Variants in ANTXR2 observed in about 807,000 individuals in gnomAD.
The protein encoded by ANTXR2 is anthrax toxin receptor 2.
In ANTXR2, 44 loss-of-function variants were observed where a neutral mutation model predicts 73.7. That is an observed-to-expected ratio of 0.60 (90% CI 0.47 to 0.77). The LOEUF is 0.77. Ranked by LOEUF, ANTXR2 falls within the 30% of genes least tolerant of loss-of-function variation. The probability of loss-of-function intolerance (pLI) is 0.00; values close to 1 mark genes in which losing one functional copy is unlikely to be tolerated. For synonymous variants in ANTXR2, 217 were observed against 205.9 expected (o/e 1.05, Z -0.46); for missense variants, 604 against 592.5 (o/e 1.02, Z -0.20).
At chr4:79,977,928 G>T in intron 15 of ANTXR2, 79 bp downstream of exon 15, 1 of 1,452,646 alleles carries the variant, frequency 6.9e-7, no homozygotes, top group Non-Finnish European at 9.3e-7. Flanking sequence ...CTTTCAAGTA[G>T]CTGGGGGGAT....
At chr4:79,982,379 T>C (rs535121727) in intron 14 of ANTXR2, among the ~76,000 whole-genome samples, 2 of 152,280 alleles carry the variant, frequency 1.3e-5, no homozygotes, top group South Asian at 2.1e-4. Context: ...TTCCCCGTTA[T>C]ATAGATCTTT....
At chr4:80,047,097 C>G (rs1401026720) in intron 7 of ANTXR2, among the ~76,000 whole-genome samples, 1 of 151,486 alleles carries the variant, frequency 6.6e-6, no homozygotes, top group Non-Finnish European at 1.5e-5. Flanking sequence ...TCTGTGTAAC[C>G]AAATGTCATC....
rs143173863 is a variant in ANTXR2 at position 79,993,436 on chromosome 4, C to T, written c.1042-8573G>A. 4.6e-3 allele frequency among the ~76,000 whole-genome samples: 695 copies of T among 151,860 alleles called. 10 individuals are homozygous for T. Among genetic ancestry groups the T allele is most frequent in the African/African-American group, 0.016 (660 of 41,432 alleles). On this transcript the variant is annotated intron_variant, in intron 12 of 16. Transcript: ENST00000403729. ...GAAGAAGGGATTCTTTTCATTCCCT[C>T]CCCCTGTCACTCCTAAAAGCATATT...
At chr4:79,944,770 G>A (rs1260922732) in intron 16 of ANTXR2, among the ~76,000 whole-genome samples, 3 of 152,078 alleles carry the variant, frequency 2.0e-5, no homozygotes. Context: ...GTCCACCACT[G>A]CTGGCAGACT....
intron 2 of ANTXR2, 71 bp downstream of exon 2, chr4:80,071,512 T>C: frequency 7.4e-7 from 1 of 1,347,874 alleles, no homozygotes; most frequent in Non-Finnish European, 1.1e-6. Flanking sequence ...CTATAAAAGG[T>C]TTCAGAAAAG....
intron 16 of ANTXR2, among the ~76,000 whole-genome samples, chr4:79,936,445 T>C (rs922602491): frequency 7.9e-5 from 12 of 152,216 alleles, no homozygotes; most frequent in Admixed American, 6.5e-5. Context: ...CTATGCAAGT[T>C]TTCTCCTTCA....
At chr4:80,002,855 A>G (rs1437814797) in intron 12 of ANTXR2, among the ~76,000 whole-genome samples, 2 of 150,630 alleles carry the variant, frequency 1.3e-5, no homozygotes, top group Non-Finnish European at 3.0e-5. Flanking sequence ...TCAAAACCAC[A>G]ATGAGATACC....
At chr4:80,037,327 C>T (rs1180154952) in intron 7 of ANTXR2, among the ~76,000 whole-genome samples, 2 of 152,142 alleles carry the variant, frequency 1.3e-5, no homozygotes, top group African/African-American at 4.8e-5. Context: ...AACAGCAAAA[C>T]TATAAGTTCT....
At chr4:79,907,559 A>G in intron 16 of ANTXR2, 92 bp from the exon 17 acceptor site, 1 of 1,361,958 alleles carries the variant, frequency 7.3e-7, no homozygotes, top group Non-Finnish European at 1.0e-6. Context: ...ATAATAAATG[A>G]TTACCCAAGG....
At chr4:79,916,586 CAG>C (rs1248874121) in intron 16 of ANTXR2, among the ~76,000 whole-genome samples, 3 of 151,782 alleles carry the variant, frequency 2.0e-5, no homozygotes, top group Non-Finnish European at 4.4e-5. Context: ...AATAAAAAAA[CAG>C]AAAGCAATTT....
At chr4:79,993,472 T>C (rs1478511832) in intron 12 of ANTXR2, among the ~76,000 whole-genome samples, 1 of 151,846 alleles carries the variant, frequency 6.6e-6, no homozygotes, top group Non-Finnish European at 1.5e-5. Context: ...CTCAAGATTC[T>C]TTGGGCCTTA....
chr4:80,056,653 A>G (rs1734009522), intron 3 of ANTXR2, among the ~76,000 whole-genome samples: 1 of 152,006 alleles, frequency 6.6e-6, no homozygotes, highest in African/African-American at 2.4e-5. Context: ...AGATAGATGG[A>G]TGAATGTATG....
intron 12 of ANTXR2, among the ~76,000 whole-genome samples, chr4:80,005,373 TA>T (rs1731254291): frequency 6.6e-6 from 1 of 152,162 alleles, no homozygotes; most frequent in South Asian, 2.1e-4. Context: ...GATAAATAGA[TA>T]AATTTCATTT....
At chr4:79,951,290 C>T (rs1328086570) in intron 16 of ANTXR2, among the ~76,000 whole-genome samples, 1 of 152,010 alleles carries the variant, frequency 6.6e-6, no homozygotes, top group Non-Finnish European at 1.5e-5. Flanking sequence ...CAGAACTGAA[C>T]AGGACTCTGC....
intron 12 of ANTXR2, among the ~76,000 whole-genome samples, chr4:79,985,778 C>T (rs1730117732): frequency 6.6e-6 from 1 of 151,720 alleles, no homozygotes; most frequent in Non-Finnish European, 1.5e-5. Context: ...AACAAATCAG[C>T]TTCTTAGCCA....
chr4:79,959,020 T>C (rs138687977), intron 16 of ANTXR2, among the ~76,000 whole-genome samples: 60 of 151,554 alleles, frequency 4.0e-4, no homozygotes, highest in Middle Eastern at 3.4e-3. Flanking sequence ...GAATATGAAA[T>C]AAAGATCAAA....
chr4:80,041,094 A>G (rs1009779249), intron 7 of ANTXR2, among the ~76,000 whole-genome samples: 2 of 152,074 alleles, frequency 1.3e-5, no homozygotes, highest in Non-Finnish European at 1.5e-5. Flanking sequence ...GCTAATCCTC[A>G]TAAGTCTAAT....
intron 15 of ANTXR2, 55 bp downstream of exon 15, chr4:79,977,952 A>G: frequency 1.3e-6 from 2 of 1,515,552 alleles, no homozygotes; most frequent in Non-Finnish European, 1.8e-6. Flanking sequence ...GTACAAAAAA[A>G]GTTACAATGT....
chr4:80,044,099 G>T (rs1359600905), intron 7 of ANTXR2, among the ~76,000 whole-genome samples: 1 of 151,888 alleles, frequency 6.6e-6, no homozygotes, highest in African/African-American at 2.4e-5. Context: ...TTCCTATCTT[G>T]CTTGCCTATA....
Sources: allele counts gnomAD v4.1 joint callset (sites outside exome capture counted in the v4.1 genomes callset), GRCh38; gene constraint gnomAD v4.1.1; transcripts MANE v1.5; gene names NCBI Gene and HGNC (gene_info 2026-07-23, HGNC 2026-07-21).